CCSER1: variants seen among roughly 807,000 people sequenced by gnomAD.
The protein encoded by CCSER1 is serine-rich coiled-coil domain-containing protein 1.
CCSER1 carries 41 observed loss-of-function variants against 82.0 expected under a neutral mutation model. The observed-to-expected ratio is 0.50, with a 90% CI of 0.39 to 0.65. The LOEUF is 0.65. Ranked by LOEUF, CCSER1 falls within the 30% of genes least tolerant of loss-of-function variation. CCSER1 has a pLI of 0.00. For missense variants in CCSER1, 1,119 were observed against 1,064.2 expected (o/e 1.05, Z -0.72); for synonymous variants, 414 against 383.9 (o/e 1.08, Z -0.92).
intron 4 of CCSER1, among the ~76,000 whole-genome samples, chr4:90,460,324 CAA>C (rs751331396): frequency 3.4e-4 from 11 of 32,646 alleles, no homozygotes; most frequent in Admixed American, 5.9e-4. Context: ...AACTCCGTCT[CAA>C]AAAAAAAAAA....
intron 10 of CCSER1, among the ~76,000 whole-genome samples, chr4:91,550,745 G>GATGA (rs1762122958): frequency 6.6e-6 from 1 of 152,100 alleles, no homozygotes. Context: ...ATGCACAGGG[G>GATGA]ATGAAAGAAT....
intron 1 of CCSER1, among the ~76,000 whole-genome samples, chr4:90,241,540 CT>C (rs1290889087): frequency 6.6e-6 from 1 of 152,064 alleles, no homozygotes; most frequent in Non-Finnish European, 1.5e-5. Flanking sequence ...AGCCAGAACA[CT>C]TTTGTTATAC....
intron 10 of CCSER1, among the ~76,000 whole-genome samples, chr4:91,574,714 A>G (rs1763355384): frequency 6.6e-6 from 1 of 152,026 alleles, no homozygotes; most frequent in Non-Finnish European, 1.5e-5. Context: ...AATGACAACA[A>G]TAGACATTAG....
chr4:90,317,965 A>G (rs530225225), intron 3 of CCSER1, among the ~76,000 whole-genome samples: 6 of 152,340 alleles, frequency 3.9e-5, no homozygotes, highest in African/African-American at 1.2e-4. Flanking sequence ...TCCTGTATCT[A>G]GAGGCGGAGA....
chr4:91,297,825 G>A (rs1036034938), intron 10 of CCSER1, among the ~76,000 whole-genome samples: 2 of 151,956 alleles, frequency 1.3e-5, no homozygotes, highest in Non-Finnish European at 2.9e-5. Context: ...AGGAGAATTG[G>A]GGTACTTGAG....
At chr4:91,509,522 TG>T (rs997357056) in intron 10 of CCSER1, among the ~76,000 whole-genome samples, 1 of 152,098 alleles carries the variant, frequency 6.6e-6, no homozygotes, top group Non-Finnish European at 1.5e-5. Context: ...GAGAACCCTT[TG>T]GAACTTGAGG....
intron 10 of CCSER1, among the ~76,000 whole-genome samples, chr4:91,115,030 AATAAT>A (rs1309395114): frequency 6.6e-6 from 1 of 152,226 alleles, no homozygotes; most frequent in Non-Finnish European, 1.5e-5. Flanking sequence ...AAAATAAAAG[AATAAT>A]ATATTTCCAG....
chr4:90,876,881 T>C (rs1767280047), intron 8 of CCSER1, among the ~76,000 whole-genome samples: 2 of 152,116 alleles, frequency 1.3e-5, no homozygotes, highest in African/African-American at 4.8e-5. Flanking sequence ...ATTTCAGTTA[T>C]GGAATACTTT....
rs893181768 is a variant in CCSER1, at chr4:91,493,992, T to C, written c.2218-104580T>C. 5.9e-5 allele frequency among the ~76,000 whole-genome samples: 9 copies of C among 151,854 alleles called. 1 individual carries two copies. Among genetic ancestry groups the C allele is most frequent in the African/African-American group, 2.2e-4 (9 of 41,404 alleles). On this transcript the variant is annotated intron_variant, in intron 10 of 10. Coordinates refer to ENST00000509176, the MANE Select transcript of CCSER1 (RefSeq NM_001145065.2). ...GAATATGTCCTCTAAAATTCATATGTCAAAACTTAATTGCCAATGCAATAG... is the reference window on the plus strand; with the variant it reads ...GAATATGTCCTCTAAAATTCATATGCCAAAACTTAATTGCCAATGCAATAG...
At chr4:91,154,484 CCCTGCT>C (rs137936214) in intron 10 of CCSER1, among the ~76,000 whole-genome samples, 17,074 of 151,924 alleles carry the variant, frequency 0.11, 1,207 homozygotes, top group East Asian at 0.23. Context: ...CAATGCGTTG[CCCTGCT>C]CCTGCTCCTG....
At chr4:91,015,662 T>A (rs1349068427) in intron 9 of CCSER1, among the ~76,000 whole-genome samples, 1 of 151,902 alleles carries the variant, frequency 6.6e-6, no homozygotes, top group Non-Finnish European at 1.5e-5. Flanking sequence ...AGGTACCTAT[T>A]ATAAAATCTA....
chr4:90,432,529 T>A (rs886998860), intron 4 of CCSER1, among the ~76,000 whole-genome samples: 3 of 152,108 alleles, frequency 2.0e-5, no homozygotes, highest in African/African-American at 4.8e-5. Flanking sequence ...CACCTTCTTG[T>A]TCTTCTTCCC....
chr4:91,263,590 G>A (rs1043130014), intron 10 of CCSER1, among the ~76,000 whole-genome samples: 1 of 151,740 alleles, frequency 6.6e-6, no homozygotes, highest in Non-Finnish European at 1.5e-5. Flanking sequence ...GATATCTAAG[G>A]CAAAATTTGC....
intron 7 of CCSER1, among the ~76,000 whole-genome samples, chr4:90,798,334 A>G (rs995971888): frequency 8.5e-5 from 13 of 152,186 alleles, no homozygotes; most frequent in African/African-American, 2.7e-4. Context: ...CATGTTGGTT[A>G]CATTATTTTC....
At chr4:90,575,193 CTG>C (rs558769493) in intron 5 of CCSER1, among the ~76,000 whole-genome samples, 3 of 152,106 alleles carry the variant, frequency 2.0e-5, no homozygotes, top group Non-Finnish European at 4.4e-5. Flanking sequence ...ATTCTGCAGA[CTG>C]AGTAATTTAT....
intron 1 of CCSER1, among the ~76,000 whole-genome samples, chr4:90,128,795 G>A (rs1386777171): frequency 1.3e-5 from 2 of 151,902 alleles, no homozygotes; most frequent in Non-Finnish European, 2.9e-5. Context: ...ATTTCTTGGG[G>A]TTTCCTTTTA....
intron 10 of CCSER1, among the ~76,000 whole-genome samples, chr4:91,525,616 A>G (rs1168877857): frequency 1.3e-5 from 2 of 152,072 alleles, no homozygotes; most frequent in Admixed American, 1.3e-4. Flanking sequence ...CATATCACTT[A>G]TTATCAGCCT....
intron 6 of CCSER1, among the ~76,000 whole-genome samples, chr4:90,646,474 G>T (rs567896685): frequency 6.6e-6 from 1 of 152,136 alleles, no homozygotes; most frequent in Admixed American, 6.5e-5. Context: ...TAAATGCATA[G>T]ATGACATCTA....
chr4:90,249,155 A>G (rs929463914), intron 1 of CCSER1, among the ~76,000 whole-genome samples: 11 of 152,168 alleles, frequency 7.2e-5, no homozygotes, highest in African/African-American at 2.7e-4. Flanking sequence ...CTACTCGTAT[A>G]TAACCCACCA....
Sources: gnomAD v4.1 joint callset for allele counts (sites outside exome capture counted in the v4.1 genomes callset) on GRCh38, gnomAD v4.1.1 for gene constraint, MANE v1.5 for transcripts, NCBI Gene and HGNC (gene_info 2026-07-23, HGNC 2026-07-21) for gene names.